The following PCNX1 variants were observed in gnomAD, a reference collection of about 807,000 sequenced individuals.
The protein encoded by PCNX1 is pecanex 1.
Under a neutral mutation model 242.2 loss-of-function variants are expected in PCNX1, and 78 were observed. That is an observed-to-expected ratio of 0.32 (90% CI 0.27 to 0.39). The LOEUF (loss-of-function observed/expected upper bound fraction) is 0.39, where lower values mean the gene tolerates loss of function less well. PCNX1 is among the 10% of genes least tolerant of loss of function. PCNX1 has a pLI of 1.00. For synonymous variants in PCNX1, 1,024 were observed against 1,032.9 expected, an observed-to-expected ratio of 0.99 and a Z score of 0.17; for missense variants, 2,581 against 2,856.5, an observed-to-expected ratio of 0.90 and a Z score of 2.20.
intron 11 of PCNX1, among the ~76,000 whole-genome samples, chr14:71,013,591 C>G (rs1397667759): frequency 2.3e-5 from 3 of 130,852 alleles, no homozygotes; most frequent in Non-Finnish European, 3.7e-5. Context: ...TAATGGCAAA[C>G]ACAAACTTGG....
At chr14:71,052,709 T>G (rs898000617) in intron 24 of PCNX1, among the ~76,000 whole-genome samples, 1 of 152,184 alleles carries the variant, frequency 6.6e-6, no homozygotes. Context: ...AGCTAAATTT[T>G]TATAGGTTAT....
At chr14:70,915,173 C>T (rs140769047) in intron 1 of PCNX1, among the ~76,000 whole-genome samples, 249 of 152,124 alleles carry the variant, frequency 1.6e-3, no homozygotes, top group African/African-American at 5.7e-3. Context: ...TATCCATTCC[C>T]GTGTAGATGA....
In PCNX1 at chr14:71,103,461, C is replaced by A; in HGVS notation, c.5887C>A (p.Arg1963Ser). The A allele has an allele frequency of 6.2e-7, 1 of 1,614,128 alleles. No homozygotes were observed. Among genetic ancestry groups the A allele is most frequent in the Non-Finnish European group, 8.5e-7 (1 of 1,179,992 alleles). ...GCAGGAGCTTGTTTTTCTACGTAACCGTAACCCAGAGAGAGGTAGCATCCA... is the reference window on the plus strand; with the variant it reads ...GCAGGAGCTTGTTTTTCTACGTAACAGTAACCCAGAGAGAGGTAGCATCCA... ...QQQELVFLRNRNPERGSIQNA... is the reference protein window; with the variant it reads ...QQQELVFLRNSNPERGSIQNA... Residue 1963 changes from arginine (R) to serine (S), a missense_variant, in exon 32 of 36, where the codon CGT (arginine) becomes AGT (serine). Physicochemically the swap from Arg to Ser is moderately radical, Grantham distance 110. Around this residue, in one of 9 missense-constraint regions of PCNX1, gnomAD observed 298 missense variants for 480.1 expected, o/e 0.62. Transcript: ENST00000304743.
At chr14:71,059,694 G>A (rs992848691) in intron 26 of PCNX1, among the ~76,000 whole-genome samples, 1 of 152,092 alleles carries the variant, frequency 6.6e-6, no homozygotes, top group African/African-American at 2.4e-5. Flanking sequence ...CACCCAGCCG[G>A]GATTTTTTTA....
At chr14:70,960,957 A>G (rs1461494976) in intron 2 of PCNX1, among the ~76,000 whole-genome samples, 2 of 152,240 alleles carry the variant, frequency 1.3e-5, no homozygotes, top group Non-Finnish European at 2.9e-5. Flanking sequence ...CCAACTTACA[A>G]GGGATGTGAA....
intron 3 of PCNX1, among the ~76,000 whole-genome samples, 181 bp from the exon 4 acceptor site, chr14:70,968,017 G>T (rs1479499294): frequency 1.3e-5 from 2 of 152,080 alleles, no homozygotes; most frequent in Non-Finnish European, 2.9e-5. Flanking sequence ...AGCCTGTGCC[G>T]CAGCCAACAG....
At chr14:71,049,457 G>A (rs953051250) in intron 22 of PCNX1, among the ~76,000 whole-genome samples, 1 of 152,138 alleles carries the variant, frequency 6.6e-6, no homozygotes, top group Non-Finnish European at 1.5e-5. Context: ...AAAATTAAAT[G>A]TATACAGAAA....
chr14:71,095,455 T>C (rs1243489330), intron 30 of PCNX1, among the ~76,000 whole-genome samples: 2 of 152,188 alleles, frequency 1.3e-5, no homozygotes, highest in East Asian at 3.8e-4. Flanking sequence ...CTTTTACCAT[T>C]AAAACTGATA....
chr14:70,989,759 T>C (rs2059108372), intron 7 of PCNX1, among the ~76,000 whole-genome samples: 1 of 152,114 alleles, frequency 6.6e-6, no homozygotes, highest in Non-Finnish European at 1.5e-5. Flanking sequence ...CTTGAACTCC[T>C]GACCTCAAGT....
At chr14:71,017,096 A>G (rs2059980033) in intron 11 of PCNX1, among the ~76,000 whole-genome samples, 1 of 152,238 alleles carries the variant, frequency 6.6e-6, no homozygotes, top group East Asian at 1.9e-4. Context: ...AGAGAATGAT[A>G]TGAGCAGCTA....
At chr14:70,985,557 T>C (rs1432431793) in intron 6 of PCNX1, among the ~76,000 whole-genome samples, 1 of 152,222 alleles carries the variant, frequency 6.6e-6, no homozygotes, top group Non-Finnish European at 1.5e-5. Flanking sequence ...AGTCAGTCTT[T>C]TTAACACAAA....
chr14:70,944,548 CTG>C (rs2057386815), intron 1 of PCNX1, among the ~76,000 whole-genome samples: 1 of 152,174 alleles, frequency 6.6e-6, no homozygotes, highest in Non-Finnish European at 1.5e-5. Flanking sequence ...CTTGCCTTGT[CTG>C]TGATAAAACT....
At chr14:70,939,417 A>C (rs2057142452) in intron 1 of PCNX1, among the ~76,000 whole-genome samples, 1 of 152,086 alleles carries the variant, frequency 6.6e-6, no homozygotes, top group South Asian at 2.1e-4. Context: ...AGCAGGTTGT[A>C]CAGTTTCCAT....
chr14:71,087,685 G>T (rs1167847133), intron 28 of PCNX1, among the ~76,000 whole-genome samples: 1 of 152,072 alleles, frequency 6.6e-6, no homozygotes, highest in Non-Finnish European at 1.5e-5. Flanking sequence ...CACTGCCCTG[G>T]ATTATTTTTT....
At chr14:70,946,852 T>G (rs1197271995) in intron 1 of PCNX1, 63 bp from the exon 2 acceptor site, 1 of 1,108,954 alleles carries the variant, frequency 9.0e-7, no homozygotes, top group East Asian at 2.6e-5. Context: ...GATACAGATT[T>G]ATCTAATTGA....
chr14:71,085,213 C>T (rs2141598722), intron 28 of PCNX1, among the ~76,000 whole-genome samples: 1 of 152,264 alleles, frequency 6.6e-6, no homozygotes, highest in Non-Finnish European at 1.5e-5. Flanking sequence ...CCGGGTACTT[C>T]AGTTGGAAAT....
chr14:70,978,370 C>T lies in PCNX1; in HGVS notation c.2033C>T (p.Thr678Ile). The change falls in exon 6 of 36, where the codon ACT becomes ATT. Residue 678 changes from threonine (T) to isoleucine (I), a missense_variant. Thr to Ile is a moderately conservative substitution (Grantham distance 89, BLOSUM62 -1). Coordinates refer to ENST00000304743, the MANE Select transcript of PCNX1 (RefSeq NM_014982.3). ...AGCAAAAAGCGTGCAACACGACGGACTTCTAGCACAAATAGTGCCAAGACT... is the reference window on the plus strand; with the variant it reads ...AGCAAAAAGCGTGCAACACGACGGATTTCTAGCACAAATAGTGCCAAGACT... Reference protein sequence around the residue: ...GTSKKRATRRTSSTNSAKTRA... With the variant: ...GTSKKRATRRISSTNSAKTRA... 3 of 1,614,236 alleles carry T rather than the reference C, an allele frequency of 1.9e-6. No individual in the cohort carries two copies. In the South Asian group the frequency reaches 3.3e-5, roughly 18 times the overall value.
chr14:70,939,921 A>G (rs1486769760), intron 1 of PCNX1, among the ~76,000 whole-genome samples: 1 of 152,114 alleles, frequency 6.6e-6, no homozygotes, highest in Non-Finnish European at 1.5e-5. Context: ...GTTGGTTTAA[A>G]GTCTGTCTTA....
In PCNX1 at chr14:71,026,275, G is replaced by A; in HGVS notation, c.3342G>A (p.Arg1114=). The change falls in exon 14 of 36, where the codon AGG becomes AGA. Residue 1114 remains arginine, a synonymous_variant. Transcript: ENST00000304743. Reference sequence around the variant, plus strand: ...ATCCACTGGTGTTTATATCAGCCAGGGATTTAGTTATAGGTGAGTCATCTT... The same window carrying A: ...ATCCACTGGTGTTTATATCAGCCAGAGATTTAGTTATAGGTGAGTCATCTT... The part of the protein sequence containing the change: ...FTNPLVFISA[R]DLVIVFTLCF... The A allele has an allele frequency of 6.3e-7, 1 of 1,594,698 alleles. No homozygotes were observed. Among genetic ancestry groups the A allele is most frequent in the Non-Finnish European group, 8.6e-7 (1 of 1,169,116 alleles).
Sources: allele counts gnomAD v4.1 joint callset (sites outside exome capture counted in the v4.1 genomes callset), GRCh38; gene constraint gnomAD v4.1.1; regional missense constraint gnomAD v4.1.1; transcripts MANE v1.5; gene names NCBI Gene and HGNC (gene_info 2026-07-23, HGNC 2026-07-21).